The following SV2B variants were observed in gnomAD, a reference collection of about 807,000 sequenced individuals.
SV2B encodes the protein solute carrier family 22 member B2.
A neutral mutation model predicts 73.9 loss-of-function variants in SV2B; 41 were observed. The ratio of observed to expected loss-of-function variants is 0.56; its 90% CI spans 0.43 to 0.72. The LOEUF (loss-of-function observed/expected upper bound fraction) is 0.72, where lower values mean the gene tolerates loss of function less well. Among genes scored for constraint, SV2B ranks in the 30% least tolerant of loss-of-function variants. The probability of loss-of-function intolerance (pLI) is 0.00; values close to 1 mark genes in which losing one functional copy is unlikely to be tolerated. For missense variants in SV2B, 764 were observed against 857.8 expected (o/e 0.89, Z 1.37); for synonymous variants, 314 against 314.2 (o/e 1.00, Z 0.01).
chr15:91,120,799 G>A (rs1163862668), intron 1 of SV2B, among the ~76,000 whole-genome samples: 1 of 134,078 alleles, frequency 7.5e-6, no homozygotes, highest in African/African-American at 2.8e-5. Context: ...GTGACAGAGT[G>A]AGAACCTGTC....
At chr15:91,158,661 CTT>C (rs2141240922) in intron 1 of SV2B, among the ~76,000 whole-genome samples, 2 of 53,496 alleles carry the variant, frequency 3.7e-5, no homozygotes, top group Non-Finnish European at 3.7e-5. Flanking sequence ...CTTCTCTTCT[CTT>C]CTCTTCTCTT....
rs1396539211 is a variant in SV2B at position 91,251,880 on chromosome 15, G to A, written c.513G>A (p.Lys171=). The A allele has an allele frequency of 1.2e-6, 2 of 1,614,154 alleles. No individual in the cohort carries two copies. Among genetic ancestry groups the A allele is most frequent in the Admixed American group, 1.7e-5 (1 of 60,028 alleles). Reference sequence around the variant, plus strand: ...TCATCCTGGGAGGCCTGGCTGATAAGCTGGGAAGGAAGCGAGTCCTCAGCA... The same window carrying A: ...TCATCCTGGGAGGCCTGGCTGATAAACTGGGAAGGAAGCGAGTCCTCAGCA... ...GAFILGGLAD[K]LGRKRVLSMS... The change falls in exon 3 of 13, where the codon AAG becomes AAA. Residue 171 remains lysine, a synonymous_variant. Transcript: ENST00000394232.
intron 1 of SV2B, among the ~76,000 whole-genome samples, chr15:91,112,081 T>A (rs2042051373): frequency 7.4e-6 from 1 of 134,522 alleles, no homozygotes; most frequent in African/African-American, 2.8e-5. Flanking sequence ...CTATGTCATC[T>A]GCTGTGGCCA....
At chr15:91,181,332 C>T (rs12441509) in intron 1 of SV2B, among the ~76,000 whole-genome samples, 47,806 of 151,630 alleles carry the variant, frequency 0.32, 8,220 homozygotes, top group East Asian at 0.7. Flanking sequence ...TTAGGCTGCT[C>T]GGGGGTCAGG....
rs866471351 is a variant in SV2B, at chr15:91,221,727, G to A, written c.-391-4146G>A. On this transcript the variant is annotated intron_variant, in intron 1 of 12. Transcript: ENST00000394232. ...CACACACACACACACACACACACAC[G>A]TGCATACATGAAAGCTTCTACCTGG... Among the ~76,000 whole-genome samples the A allele has an allele frequency of 9.1e-4, 92 of 101,606 alleles. No individual in the cohort carries two copies. In the Middle Eastern group the frequency reaches 0.027, roughly 30 times the overall value. The allele number at this position is 101,606 out of a possible 152,430, so 66.7% of individuals were successfully genotyped here.
intron 1 of SV2B, among the ~76,000 whole-genome samples, chr15:91,212,990 A>G (rs2045917739): frequency 6.6e-6 from 1 of 150,704 alleles, no homozygotes. Flanking sequence ...AAAAAAAAAA[A>G]AAAAATACGA....
At position 91,241,461 on chromosome 15, in the gene SV2B, A is replaced by AG. The variant is rs1567381351; in HGVS notation, c.452-10358_452-10357insG. On this transcript the variant is annotated intron_variant, in intron 2 of 12. Transcript: ENST00000394232. The surrounding 1 kb of genome is among the most constrained non-coding windows in gnomAD (Gnocchi z 4.8). Reference sequence around the variant, plus strand: ...CAGAGGATCCTTTGTGCTGCCAGCCATCATCCTTCATTTCCCTCATCCCTT... The same window carrying AG: ...CAGAGGATCCTTTGTGCTGCCAGCCAGTCATCCTTCATTTCCCTCATCCCTT... 6.6e-6 allele frequency among the ~76,000 whole-genome samples: 1 copy of AG among 151,138 alleles called. No homozygotes were observed. The highest frequency in any genetic ancestry group is 1.5e-5 in the Non-Finnish European group (1 of 67,704).
chr15:91,216,086 T>G (rs1051587984), intron 1 of SV2B, among the ~76,000 whole-genome samples: 10 of 152,262 alleles, frequency 6.6e-5, no homozygotes, highest in Middle Eastern at 6.8e-3. Context: ...AGAAGTATTT[T>G]TAATATAATA....
At chr15:91,266,487 C>A in intron 6 of SV2B, 95 bp from the exon 7 acceptor site, 1 of 983,694 alleles carries the variant, frequency 1.0e-6, no homozygotes, top group Non-Finnish European at 1.5e-6. Context: ...CTCCTCTAGT[C>A]CTAAATCAGT....
At chr15:91,250,127 C>A (rs1353743753) in intron 2 of SV2B, among the ~76,000 whole-genome samples, 1 of 151,870 alleles carries the variant, frequency 6.6e-6, no homozygotes, top group East Asian at 1.9e-4. Flanking sequence ...AAAATACTAG[C>A]AAATTAAATT....
chr15:91,109,257 G>T (rs771752615), intron 1 of SV2B, among the ~76,000 whole-genome samples: 1 of 152,234 alleles, frequency 6.6e-6, no homozygotes, highest in Non-Finnish European at 1.5e-5. Context: ...CTTCCAGACC[G>T]CTGGGGCCTT....
chr15:91,107,297 G>GTTTGTTTGTTTGTTTGTTTATTTATTTA (rs140617996), intron 1 of SV2B, among the ~76,000 whole-genome samples: 8 of 145,730 alleles, frequency 5.5e-5, no homozygotes, highest in African/African-American at 1.8e-4. Context: ...TTATTTGTTT[G>GTTTGTTTGTTTGTTTGTTTATTTATTTA]TTTATTTATT....
Position 91,270,752 on chromosome 15 carries a change from G to C in SV2B, c.1373+2147G>C, listed in dbSNP as rs150100737. On this transcript the variant is annotated intron_variant, in intron 9 of 12. Transcript: ENST00000394232. ...GGGTGGGAGTGAGGAGGAAACAGGG[G>C]CTGAAGAAAGCAGTGTTGAATCCTG... Among the ~76,000 whole-genome samples, 145 of 151,932 alleles carry C rather than the reference G, an allele frequency of 9.5e-4. No homozygotes were observed. The East Asian group carries it at 0.017, about 17-fold the overall frequency.
intron 1 of SV2B, among the ~76,000 whole-genome samples, chr15:91,164,407 C>G (rs2043837917): frequency 6.6e-6 from 1 of 152,228 alleles, no homozygotes; most frequent in African/African-American, 2.4e-5. Context: ...TTCCTTGTCA[C>G]ATGTCTACCT....
chr15:91,244,653 G>C (rs777954824), intron 2 of SV2B, among the ~76,000 whole-genome samples: 5 of 152,196 alleles, frequency 3.3e-5, no homozygotes, highest in Non-Finnish European at 7.3e-5. Context: ...CAAAGTGAGA[G>C]TTCTTTGTGG....
chr15:91,125,724 G>C (rs912270454), intron 1 of SV2B, among the ~76,000 whole-genome samples: 9 of 142,798 alleles, frequency 6.3e-5, no homozygotes, highest in Non-Finnish European at 1.5e-5. Context: ...GCAGTGAGCT[G>C]TGTTCTTGCC....
chr15:91,248,044 T>G (rs947951078), intron 2 of SV2B, among the ~76,000 whole-genome samples: 8 of 152,212 alleles, frequency 5.3e-5, no homozygotes, highest in African/African-American at 1.9e-4. Context: ...TACAATGTCA[T>G]AAAGATCCTT....
At chr15:91,102,862 A>C (rs2041774326) in intron 1 of SV2B, among the ~76,000 whole-genome samples, 1 of 152,176 alleles carries the variant, frequency 6.6e-6, no homozygotes, top group South Asian at 2.1e-4. Flanking sequence ...ATGACATTTT[A>C]CCAGACATCT....
Position 91,270,355 on chromosome 15 carries a change from C to T in SV2B, c.1373+1750C>T, listed in dbSNP as rs141307952. On this transcript the variant is annotated intron_variant, in intron 9 of 12. Coordinates refer to ENST00000394232, the MANE Select transcript of SV2B (RefSeq NM_001323032.3). ...TGCCTTACGTAGATATCTCACAAAA[C>T]TCCAGGGAACAAGAAATATGCTTTC... 1.9e-3 allele frequency among the ~76,000 whole-genome samples: 289 copies of T among 152,316 alleles called. 2 individuals are homozygous for T. Among genetic ancestry groups the T allele is most frequent in the Middle Eastern group, 0.017 (5 of 294 alleles).
Sources: allele counts gnomAD v4.1 joint callset (sites outside exome capture counted in the v4.1 genomes callset), GRCh38; gene constraint gnomAD v4.1.1; non-coding constraint Gnocchi (gnomAD v3.1); transcripts MANE v1.5; gene names NCBI Gene and HGNC (gene_info 2026-07-23, HGNC 2026-07-21).